HDAC2: variants seen among roughly 807,000 people sequenced by gnomAD.
HDAC2 encodes the protein histone deacetylase 2.
A neutral mutation model predicts 68.5 loss-of-function variants in HDAC2; 5 were observed. The ratio of observed to expected loss-of-function variants is 0.07; its 90% CI spans 0.04 to 0.15. The LOEUF (loss-of-function observed/expected upper bound fraction) is 0.15, where lower values mean the gene tolerates loss of function less well. Ranked by LOEUF, HDAC2 falls within the 10% of genes least tolerant of loss-of-function variation. The pLI is 1.00. For missense variants in HDAC2, 291 were observed against 600.8 expected (o/e 0.48, Z 5.39); for synonymous variants, 182 against 191.3 (o/e 0.95, Z 0.40).
At position 113,941,043 on chromosome 6, in the gene HDAC2, G is replaced by A; in HGVS notation, c.*15C>T. ...TCTTTTTAATGATTTTCTGAAATTG[G>A]TGAGACTGTCAAATTCAGGGGTTGC... On this transcript the variant is annotated 3_prime_UTR_variant, in exon 14 of 14. Transcript: ENST00000519065. 2 of 1,596,020 alleles carry A rather than the reference G, an allele frequency of 1.3e-6. No homozygotes were observed. Among genetic ancestry groups the A allele is most frequent in the Non-Finnish European group, 1.7e-6 (2 of 1,167,902 alleles).
At chr6:113,965,596 C>T (rs1299242935) in intron 1 of HDAC2, among the ~76,000 whole-genome samples, 1 of 152,194 alleles carries the variant, frequency 6.6e-6, no homozygotes, top group Non-Finnish European at 1.5e-5. Context: ...TGGTCTCAAA[C>T]TCCTGACCTT....
At position 113,934,379 on chromosome 6, in the gene HDAC2, T is replaced by C. The variant is rs972324921; in HGVS notation, c.*6679A>G. 2.6e-5 allele frequency: 4 copies of C among 152,148 alleles called. No individual in the cohort carries two copies. Among genetic ancestry groups the C allele is most frequent in the Non-Finnish European group, 5.9e-5 (4 of 68,032 alleles). The allele number at this position is 152,148 out of a possible 1,614,324, so 9.4% of individuals were successfully genotyped here. A position where few individuals can be genotyped will look rare whatever the true frequency, so the allele number is the denominator to read the frequency against. ...ATTTAGTAAACTGAAGCACAGAAATTTAAATGACTTGCCCAAAGCAAAGTT... is the reference window on the plus strand; with the variant it reads ...ATTTAGTAAACTGAAGCACAGAAATCTAAATGACTTGCCCAAAGCAAAGTT... On this transcript the variant is annotated 3_prime_UTR_variant, in exon 14 of 14. Transcript: ENST00000519065.
At chr6:113,968,056 A>C (rs1776865546) in intron 1 of HDAC2, among the ~76,000 whole-genome samples, 1 of 152,224 alleles carries the variant, frequency 6.6e-6, no homozygotes, top group African/African-American at 2.4e-5. Context: ...CAATATGTAT[A>C]TATTTAAAAG....
chr6:113,961,012 G>GAT (rs1562148337), intron 1 of HDAC2, among the ~76,000 whole-genome samples: 1 of 152,014 alleles, frequency 6.6e-6, no homozygotes, highest in African/African-American at 2.4e-5. Context: ...TGTAAGGGGA[G>GAT]ATATACATAG....
chr6:113,963,373 T>G (rs918684034), intron 1 of HDAC2, among the ~76,000 whole-genome samples: 1 of 152,156 alleles, frequency 6.6e-6, no homozygotes, highest in Non-Finnish European at 1.5e-5. Flanking sequence ...TGTGAGCCAC[T>G]GTGCCCAGCC....
At chr6:113,943,576 T>A in intron 11 of HDAC2, 70 bp from the exon 12 acceptor site, 1 of 1,223,046 alleles carries the variant, frequency 8.2e-7, no homozygotes, top group South Asian at 1.6e-5. Flanking sequence ...AGCATACTCA[T>A]ACAAATGCAC....
chr6:113,959,678 G>A (rs1235655957), intron 2 of HDAC2: 1 of 294,376 alleles, frequency 3.4e-6, no homozygotes. Context: ...AACCATGAAA[G>A]CCTAGGGTAG....
intron 2 of HDAC2, among the ~76,000 whole-genome samples, chr6:113,959,257 TC>T (rs1482448634): frequency 1.3e-5 from 2 of 152,116 alleles, no homozygotes; most frequent in Non-Finnish European, 2.9e-5. Context: ...TGAGTCTTAT[TC>T]TAACTTCCCC....
intron 1 of HDAC2, among the ~76,000 whole-genome samples, chr6:113,967,656 A>G (rs1776855515): frequency 6.6e-6 from 1 of 152,236 alleles, no homozygotes; most frequent in Non-Finnish European, 1.5e-5. Context: ...AGATTAATTC[A>G]AAACAAAGCA....
intron 1 of HDAC2, among the ~76,000 whole-genome samples, chr6:113,961,662 C>G (rs1332103302): frequency 6.6e-6 from 1 of 152,074 alleles, no homozygotes. Context: ...ATATATAGTT[C>G]CTTGAAAGCA....
chr6:113,958,060 C>G (rs1268456526), intron 3 of HDAC2, among the ~76,000 whole-genome samples: 3 of 152,186 alleles, frequency 2.0e-5, no homozygotes, highest in African/African-American at 7.2e-5. Flanking sequence ...AATACAAACA[C>G]TAATGAGAAT....
At chr6:113,948,952 G>T in intron 8 of HDAC2, 27 bp downstream of exon 8, 1 of 1,597,940 alleles carries the variant, frequency 6.3e-7, no homozygotes, top group South Asian at 1.1e-5. Flanking sequence ...ATTTTTTTCT[G>T]GAAATACCAC....
intron 13 of HDAC2, 66 bp from the exon 14 acceptor site, chr6:113,941,154 T>C (rs1776122991): frequency 2.5e-6 from 3 of 1,186,170 alleles, no homozygotes; most frequent in Non-Finnish European, 3.7e-6. Context: ...ACTGACCTAT[T>C]ATATTGATCA....
Position 113,937,701 on chromosome 6 carries a change from A to G in HDAC2, c.*3357T>C, listed in dbSNP as rs1000990933. On this transcript the variant is annotated 3_prime_UTR_variant, in exon 14 of 14. Transcript: ENST00000519065. ...CATCTCTCCAAAATAAAAATGTAAA[A>G]ATCAGCTAGGTGTGATGGTGCACAC... 1.3e-5 allele frequency: 2 copies of G among 152,030 alleles called. No individual in the cohort carries two copies. The highest frequency in any genetic ancestry group is 2.9e-5 in the Non-Finnish European group (2 of 68,074). The allele number at this position is 152,030 out of a possible 1,614,324, so 9.4% of individuals were successfully genotyped here. A position where few individuals can be genotyped will look rare whatever the true frequency, so the allele number is the denominator to read the frequency against.
chr6:113,958,723 C>T lies in HDAC2; in HGVS notation c.209G>A (p.Ser70Asn). 2 of 1,610,584 alleles carry T rather than the reference C, an allele frequency of 1.2e-6. No homozygotes were observed. The highest frequency in any genetic ancestry group is 1.7e-6 in the Non-Finnish European group (2 of 1,177,416). Residue 70 changes from serine (S) to asparagine (N), a missense_variant, in exon 3 of 14, where the codon AGT becomes AAT. Ser to Asn is a conservative substitution (Grantham distance 46). Transcript: ENST00000519065. ...CCGTAGAAATTTGATATACTCATCA[C>T]TGTGATATTTTGTCATTTCTTCGGC... ...ATAEEMTKYH[S>N]DEYIKFLRSI...
intron 12 of HDAC2, among the ~76,000 whole-genome samples, chr6:113,942,536 C>G (rs957407606): frequency 2.0e-5 from 3 of 151,624 alleles, no homozygotes; most frequent in Non-Finnish European, 4.4e-5. Flanking sequence ...ACTACAGGAT[C>G]AAAATTAACA....
chr6:113,955,838 A>G (rs995155556), intron 5 of HDAC2, 175 bp downstream of exon 5: 1 of 545,952 alleles, frequency 1.8e-6, no homozygotes, highest in Non-Finnish European at 3.1e-6. Flanking sequence ...TAATTGAAGA[A>G]TTGGGCAAAT....
Position 113,934,722 on chromosome 6 carries a change from A to C in HDAC2, c.*6336T>G, listed in dbSNP as rs192689029. The stretch of plus-strand genomic sequence containing the variant: ...GCTGCCATTTACTTTAAGACATATA[A>C]ATTTGGATTTCAAACAAAACAGCTT... On this transcript the variant is annotated 3_prime_UTR_variant, in exon 14 of 14. Coordinates refer to ENST00000519065, the MANE Select transcript of HDAC2 (RefSeq NM_001527.4). 2.0e-5 allele frequency: 3 copies of C among 152,314 alleles called. No individual in the cohort carries two copies. The highest frequency in any genetic ancestry group is 2.0e-4 in the Admixed American group (3 of 15,292). The allele number at this position is 152,314 out of a possible 1,614,324, so 9.4% of individuals were successfully genotyped here. A position where few individuals can be genotyped will look rare whatever the true frequency, so the allele number is the denominator to read the frequency against.
Position 113,936,989 on chromosome 6 carries a change from CA to C in HDAC2, c.*4068del, listed in dbSNP as rs202010149. ...CCTGGGCAACAGAGTGAGACTCTTT[CA>C]AAAAAAAAAGAAAAAAAAATAGCAG... On this transcript the variant is annotated 3_prime_UTR_variant, in exon 14 of 14. Coordinates refer to ENST00000519065, the MANE Select transcript of HDAC2 (RefSeq NM_001527.4). 9 of 141,110 alleles carry C rather than the reference CA, an allele frequency of 6.4e-5. No individual in the cohort carries two copies. Among genetic ancestry groups the C allele is most frequent in the East Asian group, 2.0e-4 (1 of 4,882 alleles). The allele number at this position is 141,110 out of a possible 1,614,324, so 8.7% of individuals were successfully genotyped here. A position where few individuals can be genotyped will look rare whatever the true frequency, so the allele number is the denominator to read the frequency against.
Sources: allele counts gnomAD v4.1 joint callset (sites outside exome capture counted in the v4.1 genomes callset), GRCh38; gene constraint gnomAD v4.1.1; transcripts MANE v1.5; gene names NCBI Gene and HGNC (gene_info 2026-07-23, HGNC 2026-07-21).